The following CD33 variants were observed in gnomAD, a reference collection of about 807,000 sequenced individuals.
CD33 encodes the protein myeloid cell surface antigen CD33.
Under a neutral mutation model 31.4 loss-of-function variants are expected in CD33, and 25 were observed. The observed-to-expected ratio is 0.80, with a 90% CI of 0.58 to 1.11. The LOEUF (loss-of-function observed/expected upper bound fraction) is 1.11. Among genes scored for constraint, CD33 ranks in the 50% most tolerant of loss-of-function variants. CD33 has a pLI of 0.00. For synonymous variants in CD33, 176 were observed against 180.6 expected, an observed-to-expected ratio of 0.97 and a Z score of 0.20; for missense variants, 407 against 448.1, an observed-to-expected ratio of 0.91 and a Z score of 0.83.
upstream of CD33, among the ~76,000 whole-genome samples, chr19:51,223,400 GA>G (rs750033712): frequency 2.0e-5 from 3 of 152,082 alleles, no homozygotes; most frequent in Non-Finnish European, 4.4e-5. Context: ...TGTGTGTAGA[GA>G]TTTGACAAAG....
the CD33 span, among the ~76,000 whole-genome samples, chr19:51,216,106 C>T: frequency 6.6e-6 from 1 of 152,162 alleles, no homozygotes; most frequent in Admixed American, 6.5e-5. Flanking sequence ...TGGGCCAAGC[C>T]CTCTATGACT....
chr19:51,214,492 G>A, the CD33 span, among the ~76,000 whole-genome samples: 30 of 152,262 alleles, frequency 2.0e-4, no homozygotes, highest in African/African-American at 7.2e-4. Flanking sequence ...CACTGTGCCA[G>A]GCCTCATTTT....
rs568321250 is a variant in CD33, at chr19:51,225,111, C to T, written c.-8C>T. ...ACACAGGAAGCCCTGGAAGCTGCTT[C>T]CTCAGACATGCCGCTGCTGCTACTG... On this transcript the variant is annotated 5_prime_UTR_variant, in exon 1 of 7. Transcript: ENST00000262262. 1 of 1,613,738 alleles carries T rather than the reference C, an allele frequency of 6.2e-7. No homozygotes were observed. Among genetic ancestry groups the T allele is most frequent in the South Asian group, 1.1e-5 (1 of 91,080 alleles).
intron 6 of CD33, 179 bp from the exon 7 acceptor site, chr19:51,239,339 C>A: frequency 4.3e-6 from 2 of 466,374 alleles, no homozygotes; most frequent in South Asian, 1.0e-4. Flanking sequence ...TCAATCAATA[C>A]GTGCTACATG....
chr19:51,232,994 GC>G (rs2123271860), intron 4 of CD33, among the ~76,000 whole-genome samples: 1 of 152,316 alleles, frequency 6.6e-6, no homozygotes, highest in East Asian at 1.9e-4. Flanking sequence ...TGCTCAGCTG[GC>G]CTAGGGGGTG....
At chr19:51,232,344 C>A (rs116589844) in intron 4 of CD33, among the ~76,000 whole-genome samples, 1,727 of 152,264 alleles carry the variant, frequency 0.011, 33 homozygotes, top group African/African-American at 0.04. Flanking sequence ...CAATTCTTTA[C>A]TTGACTTTTG....
chr19:51,239,739 G>A lies in CD33; in HGVS notation c.*51G>A, dbSNP rs965812040. On this transcript the variant is annotated 3_prime_UTR_variant, in exon 7 of 7. Transcript: ENST00000262262. ...GCTAGAAGATCCACATCCTCTACAG[G>A]TCGGGGACCAAAGGCTGATTCTTGG... is the stretch of plus-strand genomic sequence containing the variant. The A allele has an allele frequency of 6.7e-7, 1 of 1,495,148 alleles. No individual in the cohort carries two copies. The highest frequency in any genetic ancestry group is 2.4e-5 in the East Asian group (1 of 42,398). 92.6% of individuals were successfully genotyped at this position (1,495,148 alleles called of 1,614,324 possible).
intron 6 of CD33, chr19:51,236,079 A>G (rs889682351): frequency 1.6e-5 from 8 of 495,790 alleles, no homozygotes; most frequent in Non-Finnish European, 2.9e-5. Context: ...AATGGTATGA[A>G]CCCGGGAGGC....
the CD33 span, among the ~76,000 whole-genome samples, chr19:51,218,555 G>GT: frequency 6.6e-6 from 1 of 151,944 alleles, no homozygotes. Context: ...TCTATTTTTT[G>GT]TTTTGTTGGA....
chr19:51,239,661 C>T lies in CD33; in HGVS notation c.1068C>T (p.Thr356=), dbSNP rs61736476. The change falls in exon 7 of 7, where the codon ACC becomes ACT. Residue 356 remains threonine (T), a synonymous_variant. Coordinates refer to ENST00000262262, the MANE Select transcript of CD33 (RefSeq NM_001772.4). The part of the protein sequence containing the change: ...HGMNPSKDTS[T]EYSEVRTQ ...TGAATCCTTCCAAGGACACCTCCAC[C>T]GAATACTCAGAGGTCAGGACCCAGT... 92 of 1,612,604 alleles carry T rather than the reference C, an allele frequency of 5.7e-5. No homozygotes were observed. In the African/African-American group the frequency reaches 8.3e-4, roughly 15 times the overall value.
intron 2 of CD33, 87 bp downstream of exon 2, chr19:51,225,685 G>C: frequency 6.5e-7 from 1 of 1,533,152 alleles, no homozygotes; most frequent in Non-Finnish European, 8.8e-7. Flanking sequence ...TACTGGGAGG[G>C]GTTTAGGGGT....
chr19:51,231,603 G>GT (rs774556770), intron 4 of CD33, among the ~76,000 whole-genome samples: 4,157 of 123,202 alleles, frequency 0.034, 114 homozygotes, highest in South Asian at 0.12. Context: ...GTTGGCTGAT[G>GT]TTTTTTTTTT....
intron 6 of CD33, chr19:51,236,169 A>C (rs1037161415): frequency 2.9e-6 from 1 of 339,864 alleles, no homozygotes; most frequent in Non-Finnish European, 5.7e-6. Context: ...AAAAGAAAAA[A>C]AAAATAGTTT....
chr19:51,220,921 T>C (rs1980660054), upstream of CD33, among the ~76,000 whole-genome samples: 1 of 152,124 alleles, frequency 6.6e-6, no homozygotes, highest in African/African-American at 2.4e-5. Flanking sequence ...AGTTACAGGG[T>C]GATAACACCT....
intron 2 of CD33, 78 bp downstream of exon 2, chr19:51,225,676 A>G (rs1980953059): frequency 5.9e-6 from 9 of 1,530,516 alleles, no homozygotes; most frequent in Admixed American, 4.1e-5. Flanking sequence ...GGACCCTGGT[A>G]CTGGGAGGGG....
At chr19:51,214,447 T>C in the CD33 span, among the ~76,000 whole-genome samples, 1 of 146,330 alleles carries the variant, frequency 6.8e-6, no homozygotes. Flanking sequence ...CTGCCCACCT[T>C]GGCCTCCCAA....
intron 4 of CD33, among the ~76,000 whole-genome samples, chr19:51,233,543 C>T (rs996067755): frequency 3.3e-5 from 5 of 152,224 alleles, no homozygotes; most frequent in African/African-American, 1.2e-4. Flanking sequence ...CCAGAGATGG[C>T]TGTGGTCTCA....
At chr19:51,215,072 G>C in the CD33 span, among the ~76,000 whole-genome samples, 2 of 152,248 alleles carry the variant, frequency 1.3e-5, no homozygotes, top group East Asian at 3.9e-4. Context: ...GTGGCCATTG[G>C]GGAGGCAGCT....
At position 51,225,362 on chromosome 19, in the gene CD33, T is replaced by G; in HGVS notation, c.182T>G (p.Phe61Cys). Residue 61 changes from phenylalanine (F) to cysteine (C), a missense_variant, in exon 2 of 7, where the codon TTC (phenylalanine) becomes TGC (cysteine). Transcript: ENST00000262262. ...AACTCCCCAGTTCATGGTTACTGGT[T>G]CCGGGAAGGAGCCATTATATCCAGG... ...DKNSPVHGYW[F>C]REGAIISRDS... 6.2e-7 allele frequency: 1 copy of G among 1,614,156 alleles called. No individual in the cohort carries two copies. The highest frequency in any genetic ancestry group is 8.5e-7 in the Non-Finnish European group (1 of 1,180,024).
Sources: allele counts gnomAD v4.1 joint callset (sites outside exome capture counted in the v4.1 genomes callset), GRCh38; gene constraint gnomAD v4.1.1; transcripts MANE v1.5; gene names NCBI Gene and HGNC (gene_info 2026-07-23, HGNC 2026-07-21).